TRAK2: variants seen among roughly 807,000 people sequenced by gnomAD.
TRAK2 encodes trafficking kinesin protein 2.
A neutral mutation model predicts 104.6 loss-of-function variants in TRAK2; 81 were observed. The observed-to-expected ratio is 0.77, with a 90% CI of 0.65 to 0.93. The LOEUF is 0.93. Ranked by LOEUF, TRAK2 falls within the 40% of genes least tolerant of loss-of-function variation. TRAK2 has a pLI of 0.00. For synonymous variants in TRAK2, 406 were observed against 394.4 expected (o/e 1.03, Z -0.35); for missense variants, 1,002 against 1,089.0 (o/e 0.92, Z 1.12).
Position 201,407,465 on chromosome 2 carries a change from T to C in TRAK2, c.224A>G (p.Gln75Arg). 1 of 1,614,102 alleles carries C rather than the reference T, an allele frequency of 6.2e-7. No homozygotes were observed. Among genetic ancestry groups the C allele is most frequent in the Non-Finnish European group, 8.5e-7 (1 of 1,179,966 alleles). ...GAGAGCATCAGATGCATGCTGCCGC[T>C]GGTGTGGAGACTGAGTCCAGTCTTG... ...ENQDWTQSPH[Q>R]RQHASDALSP... The change falls in exon 3 of 16, where the codon CAG (glutamine) becomes CGG (arginine). Residue 75 changes from glutamine to arginine, a missense_variant. Gln to Arg is a conservative substitution (Grantham distance 43). Coordinates refer to ENST00000332624, the MANE Select transcript of TRAK2 (RefSeq NM_015049.3).
At chr2:201,411,896 G>T in intron 2 of TRAK2, 1 of 1,033,850 alleles carries the variant, frequency 9.7e-7, no homozygotes, top group Non-Finnish European at 1.5e-6. Context: ...TATAAGATTT[G>T]CAAAGGTTGG....
chr2:201,396,495 G>A (rs929242526), intron 7 of TRAK2, among the ~76,000 whole-genome samples: 1 of 152,162 alleles, frequency 6.6e-6, no homozygotes, highest in Non-Finnish European at 1.5e-5. Context: ...TGAAACCACA[G>A]ATAGTACTGA....
intron 1 of TRAK2, among the ~76,000 whole-genome samples, chr2:201,432,191 G>C (rs1201569705): frequency 6.6e-6 from 1 of 152,128 alleles, no homozygotes; most frequent in Admixed American, 6.5e-5. Context: ...GCCTTCTGAT[G>C]AGTGACGTTA....
intron 15 of TRAK2, among the ~76,000 whole-genome samples, chr2:201,381,803 A>C (rs1276386378): frequency 3.3e-5 from 5 of 152,196 alleles, no homozygotes; most frequent in African/African-American, 1.2e-4. Flanking sequence ...TCATTTTCTC[A>C]AGAAATGTTA....
In TRAK2 at chr2:201,392,930, T is replaced by C; in HGVS notation, c.1092A>G (p.Gln364=). 3 of 1,612,454 alleles carry C rather than the reference T, an allele frequency of 1.9e-6. No individual in the cohort carries two copies. The highest frequency in any genetic ancestry group is 2.2e-5 in the East Asian group (1 of 44,826). ...TTACCCCAGTAAAAGCTCCATATGA[T>C]TGGGAGAAGTAGAGATGAGCAGTAG... ...SGPTAHLYFS[Q]SYGAFTGESL... Residue 364 remains glutamine, a synonymous_variant, in exon 10 of 16, where the codon CAA becomes CAG. Transcript: ENST00000332624.
intron 1 of TRAK2, among the ~76,000 whole-genome samples, chr2:201,439,181 G>T (rs1178036451): frequency 3.3e-5 from 5 of 152,112 alleles, no homozygotes; most frequent in Non-Finnish European, 7.4e-5. Context: ...AACTGCATAG[G>T]AATATGAGAC....
intron 2 of TRAK2, chr2:201,413,333 T>C: frequency 9.3e-7 from 1 of 1,073,708 alleles, no homozygotes. Context: ...GTAGTTATAG[T>C]TACCTTTTCC....
At chr2:201,444,260 G>T (rs894562223) in intron 1 of TRAK2, among the ~76,000 whole-genome samples, 1 of 151,740 alleles carries the variant, frequency 6.6e-6, no homozygotes. Flanking sequence ...AAATCCAAAG[G>T]TTCTCATAGT....
At chr2:201,448,739 C>A (rs1055484371) in intron 1 of TRAK2, among the ~76,000 whole-genome samples, 1 of 152,208 alleles carries the variant, frequency 6.6e-6, no homozygotes, top group African/African-American at 2.4e-5. Context: ...CTTCTCTGCT[C>A]GTATTTTAAT....
In TRAK2 at chr2:201,394,786, A is replaced by C. The variant is rs1951485088; in HGVS notation, c.975+12T>G. On this transcript the variant is annotated intron_variant, in intron 9 of 15. Coordinates refer to ENST00000332624, the MANE Select transcript of TRAK2 (RefSeq NM_015049.3). ...TCCCCTCCTGAATTACACAAGATAA[A>C]GATTTCATTACCTCCATTGTCAGTT... 1 of 1,611,108 alleles carries C rather than the reference A, an allele frequency of 6.2e-7. No individual in the cohort carries two copies. The highest frequency in any genetic ancestry group is 8.5e-7 in the Non-Finnish European group (1 of 1,177,862).
chr2:201,386,227 G>A lies in TRAK2; in HGVS notation c.1954C>T (p.Pro652Ser). The change falls in exon 14 of 16, where the codon CCA becomes TCA. Residue 652 changes from proline (P) to serine (S), a missense_variant. By Grantham distance (74) the Pro-to-Ser change is moderately conservative. Coordinates refer to ENST00000332624, the MANE Select transcript of TRAK2 (RefSeq NM_015049.3). Reference sequence around the variant, plus strand: ...CAGACACTCTTCTCACCTGTAACTGGTCCACCTGCTGAAGTAATGGGTGGC... The same window carrying A: ...CAGACACTCTTCTCACCTGTAACTGATCCACCTGCTGAAGTAATGGGTGGC... ...FLPPITSAGG[P>S]VTVATANPGK... 6.2e-7 allele frequency: 1 copy of A among 1,614,064 alleles called. No homozygotes were observed. Among genetic ancestry groups the A allele is most frequent in the Non-Finnish European group, 8.5e-7 (1 of 1,179,974 alleles).
intron 1 of TRAK2, among the ~76,000 whole-genome samples, chr2:201,429,644 T>C (rs1276922236): frequency 1.3e-5 from 2 of 152,246 alleles, no homozygotes; most frequent in African/African-American, 2.4e-5. Context: ...TTTCTTCCAC[T>C]TGATCGAATT....
In TRAK2 at chr2:201,387,800, A is replaced by G. The variant is rs1169567873; in HGVS notation, c.1599T>C (p.Ser533=). The G allele has an allele frequency of 6.2e-7, 1 of 1,614,160 alleles. No homozygotes were observed. Among genetic ancestry groups the G allele is most frequent in the South Asian group, 1.1e-5 (1 of 91,074 alleles). ...TGATCTCTGACTGGGTGGTGCAGAG[A>G]GAGGCAAGGCTCTCTGTCGGGGTGA... ...GCVTPTESLA[S]LCTTQSEITD... is the part of the protein sequence containing the mutation. Residue 533 remains serine (S), a synonymous_variant, in exon 13 of 16, where the codon TCT becomes TCC. Transcript: ENST00000332624.
At chr2:201,450,055 C>G (rs1952012314) in intron 1 of TRAK2, among the ~76,000 whole-genome samples, 1 of 151,980 alleles carries the variant, frequency 6.6e-6, no homozygotes, top group African/African-American at 2.4e-5. Context: ...GATAACAAAA[C>G]ACTGTCTTTC....
At chr2:201,407,057 TAAC>T (rs1289723209) in intron 3 of TRAK2, among the ~76,000 whole-genome samples, 15 of 152,232 alleles carry the variant, frequency 9.9e-5, no homozygotes, top group African/African-American at 3.6e-4. Flanking sequence ...TAGCTTAGGA[TAAC>T]AAACTACTGG....
intron 1 of TRAK2, among the ~76,000 whole-genome samples, chr2:201,426,578 C>T (rs1471464223): frequency 6.6e-6 from 1 of 152,140 alleles, no homozygotes; most frequent in Non-Finnish European, 1.5e-5. Flanking sequence ...AGGCTGGGGA[C>T]CTCTGTTCTA....
chr2:201,387,312 G>T (rs1951400255), intron 13 of TRAK2, among the ~76,000 whole-genome samples: 1 of 152,054 alleles, frequency 6.6e-6, no homozygotes, highest in South Asian at 2.1e-4. Context: ...TTATACTTTT[G>T]GGTAAAAAAC....
Position 201,378,442 on chromosome 2 carries a change from T to G in TRAK2, c.*2101A>C, listed in dbSNP as rs1247816055. 1 of 152,198 alleles carries G rather than the reference T, an allele frequency of 6.6e-6. No homozygotes were observed. Among genetic ancestry groups the G allele is most frequent in the Admixed American group, 6.5e-5 (1 of 15,272 alleles). 9.4% of individuals were successfully genotyped at this position (152,198 alleles called of 1,614,324 possible). A position where few individuals can be genotyped will look rare whatever the true frequency, so the allele number is the denominator to read the frequency against. On this transcript the variant is annotated 3_prime_UTR_variant, in exon 16 of 16. Coordinates refer to ENST00000332624, the MANE Select transcript of TRAK2 (RefSeq NM_015049.3). ...CCTACAGTTTCCTACTTCCTGATGT[T>G]TCCTGGAAACTGTAACTGTCCAGGC...
rs778679063 is a variant in TRAK2 at position 201,419,198 on chromosome 2, T to C, written c.91+1219A>G. 4 of 152,280 alleles carry C rather than the reference T, an allele frequency of 2.6e-5. No individual in the cohort carries two copies. In the South Asian group the frequency reaches 6.2e-4, roughly 24 times the overall value. 9.4% of individuals were successfully genotyped at this position (152,280 alleles called of 1,614,324 possible). On this transcript the variant is annotated intron_variant, in intron 2 of 15. Transcript: ENST00000332624. ...CCTACTAGAATGGCTAAAATCAAAA[T>C]CACTGACATTACCAAGTGTTGATGT...
Sources: allele counts gnomAD v4.1 joint callset (sites outside exome capture counted in the v4.1 genomes callset), GRCh38; gene constraint gnomAD v4.1.1; transcripts MANE v1.5; gene names NCBI Gene and HGNC (gene_info 2026-07-23, HGNC 2026-07-21).